Variants in DOCK9 observed in about 807,000 individuals in gnomAD.
The protein encoded by DOCK9 is dedicator of cytokinesis protein 9.
DOCK9 carries 89 observed loss-of-function variants against 263.3 expected under a neutral mutation model. The observed-to-expected ratio is 0.34, with a 90% CI of 0.28 to 0.40. The LOEUF is 0.40. Ranked by LOEUF, DOCK9 falls within the 10% of genes least tolerant of loss-of-function variation. DOCK9 has a pLI of 1.00. For missense variants in DOCK9, 2,140 were observed against 2,603.4 expected, an observed-to-expected ratio of 0.82 and a Z score of 3.87; for synonymous variants, 976 against 973.1, an observed-to-expected ratio of 1.00 and a Z score of -0.06.
At chr13:98,845,777 G>T in intron 38 of DOCK9, 147 bp downstream of exon 38, 1 of 1,061,240 alleles carries the variant, frequency 9.4e-7, no homozygotes, top group South Asian at 1.6e-5. Flanking sequence ...TCCAAGGAAG[G>T]GAACTGTGCC....
chr13:98,937,057 T>C (rs923413545), intron 2 of DOCK9, among the ~76,000 whole-genome samples: 1 of 152,244 alleles, frequency 6.6e-6, no homozygotes, highest in Non-Finnish European at 1.5e-5. Flanking sequence ...TGCTAAAAGA[T>C]AGGTCTATAT....
At position 98,940,031 on chromosome 13, in the gene DOCK9, T is replaced by A. The variant is rs7318008; in HGVS notation, c.244-9774A>T. Among the ~76,000 whole-genome samples the A allele has an allele frequency of 2.0e-5, 3 of 152,350 alleles. No individual in the cohort carries two copies. In the East Asian group the frequency reaches 5.8e-4, roughly 29 times the overall value. On this transcript the variant is annotated intron_variant, in intron 2 of 52. Transcript: ENST00000682017. ...GGGAACATCACTGAAACTTACTGAG[T>A]GCAGAGGTGATGAAACCTTTCCAAG...
intron 50 of DOCK9, 87 bp from the exon 51 acceptor site, chr13:98,797,576 GCCCGTTCGCGTGAGCTACTCACAATC>G (rs1306587640): frequency 1.7e-6 from 2 of 1,174,370 alleles, no homozygotes; most frequent in African/African-American, 3.1e-5. Context: ...GCACTAAAAA[GCCCGTTCGCGTGAGCTACTCACAATC>G]CCTGCCTTCC....
chr13:98,805,676 A>G (rs150549843), intron 48 of DOCK9, among the ~76,000 whole-genome samples: 37 of 152,320 alleles, frequency 2.4e-4, no homozygotes, highest in African/African-American at 8.7e-4. Flanking sequence ...CTAATCAACA[A>G]TCACACTTTA....
At chr13:98,875,642 G>C (rs116850341) in intron 27 of DOCK9, among the ~76,000 whole-genome samples, 1 of 152,318 alleles carries the variant, frequency 6.6e-6, no homozygotes, top group Non-Finnish European at 1.5e-5. Flanking sequence ...CCAACAAACT[G>C]TTGACCATAG....
Position 99,037,438 on chromosome 13 carries a change from A to G in DOCK9, c.129+48785T>C, listed in dbSNP as rs559070724. 5.3e-5 allele frequency among the ~76,000 whole-genome samples: 8 copies of G among 152,352 alleles called. No individual in the cohort carries two copies. The South Asian group carries it at 1.7e-3, about 32-fold the overall frequency. On this transcript the variant is annotated intron_variant, in intron 1 of 32. Coordinates refer to the DOCK9 transcript ENST00000427887. ...GATACTCCTACCTACTTATTAAATG[A>G]CTACAATTAAAGACTGGCCATACAA... is the stretch of plus-strand genomic sequence containing the variant.
At chr13:98,895,122 G>A (rs1040679512) in intron 15 of DOCK9, among the ~76,000 whole-genome samples, 4 of 145,040 alleles carry the variant, frequency 2.8e-5, no homozygotes, top group African/African-American at 1.0e-4. Flanking sequence ...CTCCAGCCTG[G>A]CGACAGAGCG....
chr13:99,000,515 C>T (rs1352771186), intron 1 of DOCK9, among the ~76,000 whole-genome samples: 1 of 152,178 alleles, frequency 6.6e-6, no homozygotes, highest in Non-Finnish European at 1.5e-5. Context: ...CATTAAAAAT[C>T]TCATGCCCTC....
intron 21 of DOCK9, 122 bp downstream of exon 21, chr13:98,884,849 C>G: frequency 8.5e-7 from 1 of 1,183,186 alleles, no homozygotes; most frequent in Non-Finnish European, 1.2e-6. Context: ...AAATGAATAA[C>G]TAATATCAAA....
rs866113655 is a variant in DOCK9 at position 99,062,944 on chromosome 13, G to C, written c.129+23279C>G. On this transcript the variant is annotated intron_variant, in intron 1 of 32. Transcript: ENST00000427887. ...CCGAATCTACTCTCTACTACTCTGC[G>C]GGTGTTACCATTTGCTGGGCATCCA... Among the ~76,000 whole-genome samples the C allele has an allele frequency of 2.6e-5, 4 of 152,272 alleles. No homozygotes were observed. In the East Asian group the frequency reaches 7.7e-4, roughly 29 times the overall value.
intron 23 of DOCK9, among the ~76,000 whole-genome samples, chr13:98,882,280 A>G (rs1424222757): frequency 6.6e-6 from 1 of 152,118 alleles, no homozygotes; most frequent in Non-Finnish European, 1.5e-5. Flanking sequence ...AAACCAGAAG[A>G]GGGAGACAGA....
chr13:98,961,857 C>A lies in DOCK9; in HGVS notation c.127-6306G>T, dbSNP rs184872848. On this transcript the variant is annotated intron_variant, in intron 1 of 52. Coordinates refer to ENST00000682017, the MANE Select transcript of DOCK9 (RefSeq NM_001366683.2). ...CCACTGTGTCCACCCAATGTCATGACACAGAAGATGGGACGCCATGGCACA... is the reference window on the plus strand; with the variant it reads ...CCACTGTGTCCACCCAATGTCATGAAACAGAAGATGGGACGCCATGGCACA... Among the ~76,000 whole-genome samples the A allele has an allele frequency of 3.0e-4, 45 of 152,288 alleles. 1 individual carries two copies. In the East Asian group the frequency reaches 7.7e-3, roughly 26 times the overall value.
At chr13:98,890,256 C>A (rs1358728010) in intron 15 of DOCK9, among the ~76,000 whole-genome samples, 2 of 152,148 alleles carry the variant, frequency 1.3e-5, no homozygotes, top group Non-Finnish European at 2.9e-5. Flanking sequence ...GAACAGGCTC[C>A]TTCCCAAGTC....
chr13:98,999,126 T>C (rs930906845), intron 1 of DOCK9, among the ~76,000 whole-genome samples: 1 of 152,166 alleles, frequency 6.6e-6, no homozygotes, highest in African/African-American at 2.4e-5. Flanking sequence ...GCTAAGACAC[T>C]GCAGATGTGG....
At chr13:98,904,994 G>A (rs2139574914) in intron 9 of DOCK9, among the ~76,000 whole-genome samples, 1 of 152,336 alleles carries the variant, frequency 6.6e-6, no homozygotes, top group Middle Eastern at 3.4e-3. Context: ...TGTGTGTCAA[G>A]AAAGGCTTCA....
chr13:98,844,371 A>AT (rs67695377), intron 38 of DOCK9, among the ~76,000 whole-genome samples: 11 of 150,446 alleles, frequency 7.3e-5, no homozygotes, highest in South Asian at 4.2e-4. Context: ...TATTTTTTTT[A>AT]TTTTTTTTTT....
intron 1 of DOCK9, among the ~76,000 whole-genome samples, chr13:99,075,253 T>C (rs1367618607): frequency 6.6e-6 from 1 of 152,172 alleles, no homozygotes; most frequent in Non-Finnish European, 1.5e-5. Flanking sequence ...TTCAAATTGT[T>C]GCACATCTCC....
rs376240334 is a variant in DOCK9, at chr13:98,885,020, G to C, written c.2333C>G (p.Ala778Gly). Residue 778 changes from alanine to glycine, a missense_variant, in exon 21 of 53, where the codon GCG (alanine) becomes GGG (glycine). This residue lies in a region of DOCK9 where 1,521 missense variants were observed against 1,741.7 expected (regional missense o/e 0.87). Transcript: ENST00000682017. ...VTSEQHIPVS[A>G]NLPSGYLGYQ... ...GCCAAGATAGCCCGAAGGAAGGTTC[G>C]CCGAGACCGGGATGTGCTGCTCGCT... The C allele has an allele frequency of 3.7e-6, 6 of 1,613,594 alleles. No individual in the cohort carries two copies. Among genetic ancestry groups the C allele is most frequent in the Non-Finnish European group, 4.2e-6 (5 of 1,179,776 alleles).
chr13:98,874,910 C>A (rs539993369), intron 27 of DOCK9, among the ~76,000 whole-genome samples: 122 of 151,998 alleles, frequency 8.0e-4, no homozygotes, highest in Non-Finnish European at 1.4e-3. Context: ...TGTTTCTGAG[C>A]TAATCTTGTT....
Sources: allele counts gnomAD v4.1 joint callset (sites outside exome capture counted in the v4.1 genomes callset), GRCh38; gene constraint gnomAD v4.1.1; regional missense constraint gnomAD v4.1.1; transcripts MANE v1.5; gene names NCBI Gene and HGNC (gene_info 2026-07-23, HGNC 2026-07-21).